The following GRIA3 variants were observed in gnomAD, a reference collection of about 807,000 sequenced individuals.
GRIA3 encodes the protein glutamate receptor 3.
A neutral mutation model predicts 63.0 loss-of-function variants in GRIA3; 3 were observed. The ratio of observed to expected loss-of-function variants is 0.05; its 90% CI spans 0.02 to 0.12. The LOEUF is 0.12. Ranked by LOEUF, GRIA3 falls within the 10% of genes least tolerant of loss-of-function variation. GRIA3 has a pLI of 1.00. For missense variants in GRIA3, 347 were observed against 700.9 expected (o/e 0.50, Z 5.70); for synonymous variants, 274 against 257.9 (o/e 1.06, Z -0.60).
intron 4 of GRIA3, among the ~76,000 whole-genome samples, chrX:123,351,987 G>A (rs1337169981): frequency 8.9e-6 from 1 of 111,937 alleles, no homozygotes; most frequent in East Asian, 2.8e-4. Context: ...TATCTTGATA[G>A]CTCCAAGTTT....
intron 2 of GRIA3, among the ~76,000 whole-genome samples, chrX:123,195,875 C>T (rs1927563393): frequency 9.0e-6 from 1 of 110,913 alleles, no homozygotes; most frequent in African/African-American, 3.3e-5. Flanking sequence ...AGAATTTTTT[C>T]TCCTTTGTGG....
intron 4 of GRIA3, among the ~76,000 whole-genome samples, chrX:123,334,051 C>G: frequency 8.9e-6 from 1 of 111,841 alleles, no homozygotes; most frequent in Middle Eastern, 4.6e-3. Flanking sequence ...ATTGGGCTAC[C>G]TGAATTAATA....
rs183418234 is a variant in GRIA3 at position 123,349,297 on chromosome X, G to A, written c.697-5613G>A. ...TCCCCAATACCAATAATAATCTGTTGCTCCTTTAATTTATTCATGGCCATT... is the reference window on the plus strand; with the variant it reads ...TCCCCAATACCAATAATAATCTGTTACTCCTTTAATTTATTCATGGCCATT... On this transcript the variant is annotated intron_variant, in intron 4 of 15. Coordinates refer to ENST00000620443, the MANE Select transcript of GRIA3 (RefSeq NM_007325.5). Among the ~76,000 whole-genome samples, 575 of 111,974 alleles carry A rather than the reference G, an allele frequency of 5.1e-3. 3 individuals are homozygous for A. Among genetic ancestry groups the A allele is most frequent in the Non-Finnish European group, 8.1e-3 (430 of 53,134 alleles).
intron 2 of GRIA3, among the ~76,000 whole-genome samples, chrX:123,222,612 A>C (rs143214631): frequency 0.011 from 1,181 of 112,140 alleles, 7 homozygotes; most frequent in Non-Finnish European, 0.018. Context: ...TTACCTGGGA[A>C]AGCTTTAACA....
At chrX:123,426,948 G>T (rs2045593014) in intron 11 of GRIA3, among the ~76,000 whole-genome samples, 1 of 111,567 alleles carries the variant, frequency 9.0e-6, no homozygotes, top group South Asian at 3.7e-4. Flanking sequence ...GGAAGGGGGT[G>T]TGGAGGAAGC....
chrX:123,293,556 T>C (rs2044668478), intron 3 of GRIA3, among the ~76,000 whole-genome samples: 1 of 109,248 alleles, frequency 9.2e-6, no homozygotes, highest in African/African-American at 3.3e-5. Flanking sequence ...ATATGAGTCA[T>C]TAGAATTCAT....
intron 5 of GRIA3, among the ~76,000 whole-genome samples, chrX:123,389,417 T>C (rs1350336922): frequency 8.9e-6 from 1 of 111,951 alleles, no homozygotes; most frequent in Non-Finnish European, 1.9e-5. Flanking sequence ...ATGTTTAGAA[T>C]TGCTATATAG....
intron 4 of GRIA3, 34 bp downstream of exon 4, chrX:123,326,247 A>G: frequency 1.8e-6 from 2 of 1,101,950 alleles, no homozygotes; most frequent in African/African-American, 1.8e-5. Flanking sequence ...GCCAGCCAAC[A>G]TGTTAAATTA....
At chrX:123,220,096 G>A (rs1352803336) in intron 2 of GRIA3, among the ~76,000 whole-genome samples, 2 of 112,377 alleles carry the variant, frequency 1.8e-5, no homozygotes, top group East Asian at 5.6e-4. Context: ...TCAGCCTCAT[G>A]GGACTCACTA....
intron 2 of GRIA3, among the ~76,000 whole-genome samples, chrX:123,215,583 ATGTC>A (rs1485394472): frequency 9.0e-6 from 1 of 111,313 alleles, no homozygotes; most frequent in Non-Finnish European, 1.9e-5. Flanking sequence ...ATGAACCCCT[ATGTC>A]GCAATACTGA....
rs147031319 is a variant in GRIA3 at position 123,300,360 on chromosome X, CTTTTTTTTTTTTT to C, written c.509-25651_509-25639del. Among the ~76,000 whole-genome samples, 9 of 22,516 alleles carry C rather than the reference CTTTTTTTTTTTTT, an allele frequency of 4.0e-4. No individual in the cohort carries two copies. In the East Asian group the frequency reaches 7.7e-3, roughly 19 times the overall value. 19.6% of individuals were successfully genotyped at this position (22,516 alleles called of 115,157 possible). A position where few individuals can be genotyped will look rare whatever the true frequency, so the allele number is the denominator to read the frequency against. ...AGCTGTGAATCTGTCTGGTCCTGGGCTTTTTTTTTTTTTTTTTTTTTTTTTTTGGTTGGTAGGC... is the reference window on the plus strand; with the variant it reads ...AGCTGTGAATCTGTCTGGTCCTGGGCTTTTTTTTTTTTTTGGTTGGTAGGC... On this transcript the variant is annotated intron_variant, in intron 3 of 15. Coordinates refer to ENST00000620443, the MANE Select transcript of GRIA3 (RefSeq NM_007325.5).
At chrX:123,191,741 A>T (rs1044558438) in intron 2 of GRIA3, among the ~76,000 whole-genome samples, 1 of 110,820 alleles carries the variant, frequency 9.0e-6, no homozygotes, top group Non-Finnish European at 1.9e-5. Context: ...CTCCACCAGA[A>T]TACCTTTACT....
chrX:123,248,034 A>G (rs1442968289), intron 2 of GRIA3, among the ~76,000 whole-genome samples: 1 of 112,645 alleles, frequency 8.9e-6, no homozygotes, highest in Non-Finnish European at 1.9e-5. Flanking sequence ...TAGACGCTCA[A>G]AAAATATTTG....
intron 3 of GRIA3, among the ~76,000 whole-genome samples, chrX:123,281,350 T>C (rs1293496783): frequency 1.8e-5 from 2 of 112,030 alleles, no homozygotes; most frequent in African/African-American, 6.5e-5. Context: ...TCTGTGGAAA[T>C]AAATTTTCTT....
chrX:123,186,949 T>C (rs1396033552), intron 2 of GRIA3, among the ~76,000 whole-genome samples: 1 of 112,202 alleles, frequency 8.9e-6, no homozygotes, highest in Admixed American at 9.4e-5. Context: ...GTTGGACATA[T>C]GGTTTTACTT....
intron 12 of GRIA3, among the ~76,000 whole-genome samples, chrX:123,459,694 T>C (rs766518391): frequency 3.6e-5 from 4 of 110,866 alleles, no homozygotes; most frequent in Non-Finnish European, 5.7e-5. Context: ...TGGTGGTGGG[T>C]TGGAGAAAAA....
intron 2 of GRIA3, among the ~76,000 whole-genome samples, chrX:123,198,970 G>T (rs985789892): frequency 8.9e-6 from 1 of 111,909 alleles, no homozygotes; most frequent in Non-Finnish European, 1.9e-5. Context: ...AGTTCCAACT[G>T]GGCTCTCCCA....
chrX:123,372,817 G>A (rs1220376003), intron 5 of GRIA3, among the ~76,000 whole-genome samples: 1 of 110,605 alleles, frequency 9.0e-6, no homozygotes, highest in Admixed American at 9.7e-5. Context: ...CATCTACAAA[G>A]ATAATTTGGA....
chrX:123,220,728 T>G (rs746762520), intron 2 of GRIA3, among the ~76,000 whole-genome samples: 52 of 112,389 alleles, frequency 4.6e-4, no homozygotes, highest in Admixed American at 1.3e-3. Flanking sequence ...CATTCTGTTG[T>G]TTCATTTTCC....
Sources: gnomAD v4.1 joint callset for allele counts (sites outside exome capture counted in the v4.1 genomes callset) on GRCh38, gnomAD v4.1.1 for gene constraint, MANE v1.5 for transcripts, NCBI Gene and HGNC (gene_info 2026-07-23, HGNC 2026-07-21) for gene names.